Variants in PRDM14 observed in about 807,000 individuals in gnomAD.
PRDM14 encodes the protein PR domain zinc finger protein 14.
A neutral mutation model predicts 48.0 loss-of-function variants in PRDM14; 16 were observed. The ratio of observed to expected loss-of-function variants is 0.33; its 90% CI spans 0.23 to 0.51. PRDM14 has a LOEUF of 0.51. Ranked by LOEUF, PRDM14 falls within the 20% of genes least tolerant of loss-of-function variation. The pLI is 0.97. For synonymous variants in PRDM14, 264 were observed against 276.6 expected (o/e 0.95, Z 0.45); for missense variants, 566 against 719.6 (o/e 0.79, Z 2.44).
At chr8:70,055,680 AT>A (rs1050964973) in intron 6 of PRDM14, among the ~76,000 whole-genome samples, 8 of 151,380 alleles carry the variant, frequency 5.3e-5, no homozygotes, top group Non-Finnish European at 1.0e-4. Flanking sequence ...AACTTAAAAA[AT>A]TTTTTTTTGT....
At chr8:70,053,089 C>A (rs73283195) in intron 7 of PRDM14, among the ~76,000 whole-genome samples, 2,958 of 128,316 alleles carry the variant, frequency 0.023, 133 homozygotes, top group African/African-American at 0.083. Flanking sequence ...CAGAGCAAGA[C>A]CCTCTCTTTA....
At position 70,059,785 on chromosome 8, in the gene PRDM14, T is replaced by C. The variant is rs892615551; in HGVS notation, c.1184-943A>G. ...ACATCTAACCGTAATCTTTAGAAGA[T>C]GACATATTTTTAAAAAGCATAATTG... On this transcript the variant is annotated intron_variant, in intron 5 of 7. Coordinates refer to ENST00000276594, the MANE Select transcript of PRDM14 (RefSeq NM_024504.4). Among the ~76,000 whole-genome samples, 3 of 152,114 alleles carry C rather than the reference T, an allele frequency of 2.0e-5. No homozygotes were observed. In the East Asian group the frequency reaches 5.8e-4, roughly 29 times the overall value.
chr8:70,068,831 A>T (rs144871083), intron 2 of PRDM14, among the ~76,000 whole-genome samples: 13 of 152,346 alleles, frequency 8.5e-5, no homozygotes, highest in Non-Finnish European at 1.3e-4. Context: ...GACTAAGGTC[A>T]GCGTAGCTAG....
Position 70,066,116 on chromosome 8 carries a change from C to A in PRDM14, c.1183+119G>T. 3.6e-6 allele frequency: 4 copies of A among 1,121,074 alleles called. No homozygotes were observed. The South Asian group carries it at 4.6e-5, about 13-fold the overall frequency. 69.4% of individuals were successfully genotyped at this position (1,121,074 alleles called of 1,614,324 possible). ...ATTCCCCCCTGGTTAGAGACACTCT[C>A]GGTTAGTCCTCTGCATTAGCCTTTA... On this transcript the variant is annotated intron_variant, in intron 5 of 7. Coordinates refer to ENST00000276594, the MANE Select transcript of PRDM14 (RefSeq NM_024504.4).
At chr8:70,064,290 T>C (rs1422360852) in intron 5 of PRDM14, among the ~76,000 whole-genome samples, 1 of 152,006 alleles carries the variant, frequency 6.6e-6, no homozygotes, top group Non-Finnish European at 1.5e-5. Flanking sequence ...TCTGGACATT[T>C]CCTTGCCTTC....
rs1256332165 is a variant in PRDM14 at position 70,051,709 on chromosome 8, TAGAG to T, written c.*364_*367del. 1.7e-5 allele frequency: 3 copies of T among 177,388 alleles called. No individual in the cohort carries two copies. The highest frequency in any genetic ancestry group is 1.5e-4 in the East Asian group (1 of 6,732). 11.0% of individuals were successfully genotyped at this position (177,388 alleles called of 1,614,324 possible). ...GACTTCTATAACCCATAAAAGGAAATAGAGAGAATCCGAATCTCTTGTTTTTACA... is the reference window on the plus strand; with the variant it reads ...GACTTCTATAACCCATAAAAGGAAATAGAATCCGAATCTCTTGTTTTTACA... On this transcript the variant is annotated 3_prime_UTR_variant, in exon 8 of 8. Transcript: ENST00000276594.
intron 4 of PRDM14, 99 bp downstream of exon 4, chr8:70,068,131 T>A: frequency 7.4e-7 from 1 of 1,350,208 alleles, no homozygotes; most frequent in Non-Finnish European, 1.0e-6. Flanking sequence ...ATGTCCTCTC[T>A]CTCTGACCAG....
rs1312279166 is a variant in PRDM14 at position 70,069,362 on chromosome 8, A to G, written c.499T>C (p.Ser167Pro). 6.8e-6 allele frequency: 11 copies of G among 1,611,992 alleles called. No homozygotes were observed. The highest frequency in any genetic ancestry group is 6.8e-6 in the Non-Finnish European group (8 of 1,178,986). Reference sequence around the variant, plus strand: ...CTGGGTGAGCAAGGTAATAACTGGGAGGTCCTCAGCCCCTCAGGTAACAGA... The same window carrying G: ...CTGGGTGAGCAAGGTAATAACTGGGGGGTCCTCAGCCCCTCAGGTAACAGA... Reference protein sequence around the residue: ...ASLLPEGLRTSQLLPCSPSKQ... With the variant: ...ASLLPEGLRTPQLLPCSPSKQ... Residue 167 changes from serine to proline, a missense_variant, in exon 2 of 8, where the codon TCC becomes CCC. Around this residue, in one of 3 missense-constraint regions of PRDM14, gnomAD observed 410 missense variants for 424.6 expected, o/e 0.97. Transcript: ENST00000276594.
Position 70,069,834 on chromosome 8 carries a change from G to C in PRDM14, c.27C>G (p.Ala9=). 6.9e-6 allele frequency: 11 copies of C among 1,604,886 alleles called. No homozygotes were observed. Among genetic ancestry groups the C allele is most frequent in the Non-Finnish European group, 9.4e-6 (11 of 1,176,228 alleles). MALPRPSE[A]VPQDKVCYPP... is the part of the protein sequence containing the mutation. ...GGTAGCACACCTTGTCCTGAGGCAC[G>C]GCCTCACTTGGCCGGGGTAGAGCCA... The change falls in exon 2 of 8, where the codon GCC becomes GCG. Residue 9 remains alanine, a synonymous_variant. Transcript: ENST00000276594.
chr8:70,054,102 T>G (rs1043447742), intron 7 of PRDM14, among the ~76,000 whole-genome samples: 17 of 152,228 alleles, frequency 1.1e-4, no homozygotes, highest in Non-Finnish European at 1.9e-4. Context: ...AGAGCTATTT[T>G]GGTGTAATAT....
Position 70,066,313 on chromosome 8 carries a change from A to AG in PRDM14, c.1104dup (p.Cys369LeufsTer3). 6.2e-7 allele frequency: 1 copy of AG among 1,614,184 alleles called. No homozygotes were observed. Among genetic ancestry groups the AG allele is most frequent in the Non-Finnish European group, 8.5e-7 (1 of 1,180,040 alleles). On this transcript the variant is annotated frameshift_variant, in exon 5 of 8. Coordinates refer to ENST00000276594, the MANE Select transcript of PRDM14 (RefSeq NM_024504.4). LOFTEE classifies it high-confidence loss of function. ...GGAATATCCAGAAATTTCTCATAGC[A>AG]GTCTCCATACCACACAAGGAGCTCT...
chr8:70,068,146 C>A, intron 4 of PRDM14, 84 bp downstream of exon 4: 1 of 1,497,246 alleles, frequency 6.7e-7, no homozygotes, highest in South Asian at 1.2e-5. Flanking sequence ...GACCAGGACT[C>A]TCCCAAAAGG....
rs1805665511 is a variant in PRDM14, at chr8:70,066,276, T to C, written c.1142A>G (p.Gln381Arg). The C allele has an allele frequency of 6.2e-7, 1 of 1,614,124 alleles. No individual in the cohort carries two copies. Among genetic ancestry groups the C allele is most frequent in the East Asian group, 2.2e-5 (1 of 44,880 alleles). Reference protein sequence around the residue: ...EKFLDIPVSLQVTEPGKQPSG... With the variant: ...EKFLDIPVSLRVTEPGKQPSG... ...TGGCTGCTTCCCCGGCTCTGTGACC[T>C]GAAGGCTCACAGGAATATCCAGAAA... The change falls in exon 5 of 8, where the codon CAG (glutamine) becomes CGG (arginine). Residue 381 changes from glutamine (Q) to arginine (R), a missense_variant. Gln to Arg is a conservative substitution (Grantham distance 43). Transcript: ENST00000276594.
At position 70,058,867 on chromosome 8, in the gene PRDM14, T is replaced by C. The variant is rs1805524666; in HGVS notation, c.1184-25A>G. 4 of 1,568,180 alleles carry C rather than the reference T, an allele frequency of 2.6e-6. No individual in the cohort carries two copies. In the African/African-American group the frequency reaches 4.0e-5, roughly 16 times the overall value. ...TCTGTCAAACACAGCAAACACAATG[T>C]CTCTTCAGTTACTTCCCTCCCTAGT... On this transcript the variant is annotated intron_variant, in intron 5 of 7. Transcript: ENST00000276594.
intron 6 of PRDM14, among the ~76,000 whole-genome samples, chr8:70,055,943 C>T (rs1337578645): frequency 6.6e-6 from 1 of 152,170 alleles, no homozygotes; most frequent in African/African-American, 2.4e-5. Context: ...CTTAGTTTCC[C>T]GATCTTGCTC....
chr8:70,059,619 C>T (rs1447117074), intron 5 of PRDM14, among the ~76,000 whole-genome samples: 1 of 151,996 alleles, frequency 6.6e-6, no homozygotes, highest in African/African-American at 2.4e-5. Flanking sequence ...TGTAAACATA[C>T]CAAAGTGAAA....
At chr8:70,054,112 T>C (rs900787307) in intron 7 of PRDM14, among the ~76,000 whole-genome samples, 5 of 152,224 alleles carry the variant, frequency 3.3e-5, no homozygotes, top group African/African-American at 9.6e-5. Context: ...TGGTGTAATA[T>C]GTCTAAAGCG....
At position 70,069,890 on chromosome 8, in the gene PRDM14, G is replaced by A. The variant is rs745321232; in HGVS notation, c.-24-6C>T. 7.8e-5 allele frequency: 118 copies of A among 1,522,420 alleles called. No homozygotes were observed. Among genetic ancestry groups the A allele is most frequent in the Non-Finnish European group, 9.8e-5 (111 of 1,130,452 alleles). 94.3% of individuals were successfully genotyped at this position (1,522,420 alleles called of 1,614,324 possible). A position where few individuals can be genotyped will look rare whatever the true frequency, so the allele number is the denominator to read the frequency against. On this transcript the variant is annotated splice_region_variant and splice_polypyrimidine_tract_variant and intron_variant, in intron 1 of 7. Coordinates refer to ENST00000276594, the MANE Select transcript of PRDM14 (RefSeq NM_024504.4). ...GGACCGCACGCTCGGCGGCTCTGCA[G>A]AAAAGCGGGCGCCGCTGAGGACACC...
At position 70,069,353 on chromosome 8, in the gene PRDM14, A is replaced by G. The variant is rs772320510; in HGVS notation, c.508T>C (p.Leu170=). 3.1e-6 allele frequency: 5 copies of G among 1,612,126 alleles called. No homozygotes were observed. The East Asian group carries it at 6.7e-5, about 22-fold the overall frequency. The change falls in exon 2 of 8, where the codon TTA becomes CTA. Residue 170 remains leucine, a synonymous_variant. Transcript: ENST00000276594. ...LPEGLRTSQL[L]PCSPSKQSED... ...GACTGCTTGCTGGGTGAGCAAGGTA[A>G]TAACTGGGAGGTCCTCAGCCCCTCA... is the stretch of plus-strand genomic sequence containing the variant.
Sources: gnomAD v4.1 joint callset for allele counts (sites outside exome capture counted in the v4.1 genomes callset) on GRCh38, gnomAD v4.1.1 for gene constraint, gnomAD v4.1.1 regional missense constraint, MANE v1.5 for transcripts, NCBI Gene and HGNC (gene_info 2026-07-23, HGNC 2026-07-21) for gene names.